Variants in RBL2 observed in about 807,000 individuals in gnomAD.
RBL2 encodes retinoblastoma-like protein 2.
A neutral mutation model predicts 126.0 loss-of-function variants in RBL2; 56 were observed. The observed-to-expected ratio is 0.44, with a 90% CI of 0.36 to 0.56. The LOEUF is 0.56. Ranked by LOEUF, RBL2 falls within the 20% of genes least tolerant of loss-of-function variation. RBL2 has a pLI of 0.00. For synonymous variants in RBL2, 454 were observed against 478.5 expected (o/e 0.95, Z 0.67); for missense variants, 1,229 against 1,398.2 (o/e 0.88, Z 1.93).
At chr16:53,442,113 C>G (rs377480630) in intron 2 of RBL2, among the ~76,000 whole-genome samples, 7 of 152,168 alleles carry the variant, frequency 4.6e-5, no homozygotes, top group East Asian at 1.9e-4. Flanking sequence ...AGCTACTGCG[C>G]CTAGCCTTGA....
intron 20 of RBL2, 97 bp from the exon 21 acceptor site, chr16:53,481,574 C>T (rs1330708410): frequency 8.9e-7 from 1 of 1,119,540 alleles, no homozygotes; most frequent in African/African-American, 1.6e-5. Context: ...ATTCATAAAA[C>T]TACTGGTTTA....
At chr16:53,487,761 T>A (rs546205135) in intron 21 of RBL2, 1 of 152,292 alleles carries the variant, frequency 6.6e-6, no homozygotes, top group South Asian at 2.1e-4. Context: ...TATTAGAAAA[T>A]CTGTACACGT....
Position 53,470,201 on chromosome 16 carries a change from T to C in RBL2, c.2245+16T>C, listed in dbSNP as rs779751238. 1 of 1,590,996 alleles carries C rather than the reference T, an allele frequency of 6.3e-7. No individual in the cohort carries two copies. The highest frequency in any genetic ancestry group is 8.6e-7 in the Non-Finnish European group (1 of 1,164,706). On this transcript the variant is annotated intron_variant, in intron 15 of 21. Transcript: ENST00000262133. ...CCTGTGCAAGGTAAGGAAGGCAGAG[T>C]TGGATATTGAGTTCCTTCTCTGTGG...
chr16:53,480,575 G>T lies in RBL2; in HGVS notation c.2890G>T (p.Asp964Tyr). The T allele has an allele frequency of 1.9e-6, 3 of 1,612,828 alleles. No homozygotes were observed. The highest frequency in any genetic ancestry group is 1.7e-6 in the Non-Finnish European group (2 of 1,179,358). The change falls in exon 20 of 22, where the codon GAC becomes TAC. Residue 964 changes from aspartate to tyrosine, a missense_variant. Asp to Tyr is a radical substitution (Grantham distance 160, BLOSUM62 -3). Coordinates refer to ENST00000262133, the MANE Select transcript of RBL2 (RefSeq NM_005611.4). ...TELNKDRTSR[D>Y]SSPVMRSSST... ...TGTTCTCCTGGCTGCAGCCAGTAGA[G>T]ACTCCAGTCCAGTTATGAGGTCAAG...
At chr16:53,448,799 A>C (rs2058087707) in intron 4 of RBL2, 1 of 152,204 alleles carries the variant, frequency 6.6e-6, no homozygotes, top group Admixed American at 6.5e-5. Flanking sequence ...GTTACTTTAA[A>C]GATTAGGCAG....
At chr16:53,452,783 C>T (rs1395253589) in intron 5 of RBL2, among the ~76,000 whole-genome samples, 1 of 152,076 alleles carries the variant, frequency 6.6e-6, no homozygotes, top group Non-Finnish European at 1.5e-5. Context: ...CCTCTCATCT[C>T]AGCCTCCCAG....
intron 4 of RBL2, chr16:53,448,845 A>T (rs1324729084): frequency 6.6e-6 from 1 of 152,256 alleles, no homozygotes; most frequent in Non-Finnish European, 1.5e-5. Context: ...AACAAAGCTA[A>T]GATTGAACTC....
chr16:53,478,994 G>C, intron 17 of RBL2, 160 bp from the exon 18 acceptor site: 3 of 608,836 alleles, frequency 4.9e-6, no homozygotes, highest in East Asian at 2.8e-5. Flanking sequence ...TTGAATCGAT[G>C]TATCTTCATT....
rs993652657 is a variant in RBL2, at chr16:53,490,571, T to G, written c.*271T>G. ...CTTGGATTTTTGACTCTGGCAAAGCTTTTAGAAATACTGCAAGAAAATGAT... is the reference window on the plus strand; with the variant it reads ...CTTGGATTTTTGACTCTGGCAAAGCGTTTAGAAATACTGCAAGAAAATGAT... On this transcript the variant is annotated 3_prime_UTR_variant, in exon 22 of 22. Coordinates refer to ENST00000262133, the MANE Select transcript of RBL2 (RefSeq NM_005611.4). The G allele has an allele frequency of 9.6e-6, 3 of 313,280 alleles. No individual in the cohort carries two copies. Among genetic ancestry groups the G allele is most frequent in the African/African-American group, 6.4e-5 (3 of 46,754 alleles). The allele number at this position is 313,280 out of a possible 1,614,324, so 19.4% of individuals were successfully genotyped here. A position where few individuals can be genotyped will look rare whatever the true frequency, so the allele number is the denominator to read the frequency against.
In RBL2 at chr16:53,467,143, G is replaced by A. The variant is rs748585227; in HGVS notation, c.1949G>A (p.Arg650His). 22 of 1,613,574 alleles carry A rather than the reference G, an allele frequency of 1.4e-5. No homozygotes were observed. The highest frequency in any genetic ancestry group is 1.7e-5 in the Admixed American group (1 of 59,984). ...PLTPRRVTEV[R>H]ADTGGLGRSI... ...ACTCCCAGAAGGGTGACTGAAGTTC[G>A]TGCTGATACTGGAGGACTTGGAAGG... Residue 650 changes from arginine to histidine, a missense_variant, in exon 14 of 22, where the codon CGT (arginine) becomes CAT (histidine). Transcript: ENST00000262133.
chr16:53,461,945 G>C, intron 10 of RBL2, 95 bp downstream of exon 10: 1 of 1,111,386 alleles, frequency 9.0e-7, no homozygotes, highest in Middle Eastern at 2.0e-4. Context: ...AAAGATTTAT[G>C]ACTTTAGACT....
At chr16:53,435,732 A>G (rs2057952590) in intron 1 of RBL2, 20 of 1,288,234 alleles carry the variant, frequency 1.6e-5, no homozygotes, top group Non-Finnish European at 2.0e-5. Context: ...CCAGGATGCA[A>G]AGCCTAACCA....
intron 8 of RBL2, among the ~76,000 whole-genome samples, chr16:53,456,074 G>T (rs1319419517): frequency 6.6e-6 from 1 of 152,132 alleles, no homozygotes; most frequent in Non-Finnish European, 1.5e-5. Flanking sequence ...TACTTGCGAG[G>T]CTGAGTTAGG....
At chr16:53,446,994 T>TG (rs747943947) in intron 3 of RBL2, 48 bp from the exon 4 acceptor site, 1 of 1,156,698 alleles carries the variant, frequency 8.6e-7, no homozygotes, top group South Asian at 1.6e-5. Context: ...GGATTTTTTT[T>TG]TCTGATTCTT....
intron 7 of RBL2, chr16:53,454,235 C>T (rs753256278): frequency 4.2e-5 from 19 of 453,004 alleles, no homozygotes; most frequent in East Asian, 1.4e-4. Context: ...GATGGAGTCT[C>T]GCTGTGTCGC....
intron 13 of RBL2, 105 bp from the exon 14 acceptor site, chr16:53,466,932 AAAGACAGCTGATTTTATTTAG>A: frequency 1.4e-6 from 1 of 727,234 alleles, no homozygotes; most frequent in Admixed American, 2.8e-5. Context: ...TTAAAATGGG[AAAGACAGCTGATTTTATTTAG>A]ATGGAATAAT....
rs1213656567 is a variant in RBL2 at position 53,467,050 on chromosome 16, C to T, written c.1864-8C>T. On this transcript the variant is annotated splice_polypyrimidine_tract_variant and splice_region_variant and intron_variant, in intron 13 of 21. Coordinates refer to ENST00000262133, the MANE Select transcript of RBL2 (RefSeq NM_005611.4). ...ATACTGGCATTCTGTGTAACCAATT[C>T]TTCATAGGTCATGCCACCTCAGAAC... 3.1e-6 allele frequency: 5 copies of T among 1,607,850 alleles called. No homozygotes were observed. The highest frequency in any genetic ancestry group is 2.2e-5 in the East Asian group (1 of 44,794).
chr16:53,482,979 G>A (rs562487295), intron 21 of RBL2, among the ~76,000 whole-genome samples: 2 of 152,238 alleles, frequency 1.3e-5, no homozygotes, highest in South Asian at 2.1e-4. Context: ...ATAGGAAAAC[G>A]TTGCTATAAA....
At chr16:53,441,252 G>A (rs760043577) in intron 2 of RBL2, among the ~76,000 whole-genome samples, 22 of 152,036 alleles carry the variant, frequency 1.4e-4, no homozygotes, top group Non-Finnish European at 2.6e-4. Context: ...GAGCCACTGC[G>A]CTCAGGCAGG....
Sources: gnomAD v4.1 joint callset for allele counts (sites outside exome capture counted in the v4.1 genomes callset) on GRCh38, gnomAD v4.1.1 for gene constraint, MANE v1.5 for transcripts, NCBI Gene and HGNC (gene_info 2026-07-23, HGNC 2026-07-21) for gene names.